Variants in CSMD1 observed in about 807,000 individuals in gnomAD.
The protein encoded by CSMD1 is CUB and Sushi multiple domains 1.
A neutral mutation model predicts 417.5 loss-of-function variants in CSMD1; 213 were observed. The ratio of observed to expected loss-of-function variants is 0.51; its 90% CI spans 0.46 to 0.57. The LOEUF (loss-of-function observed/expected upper bound fraction) is 0.57. CSMD1 is among the 20% of genes least tolerant of loss of function. The pLI is 0.00. For synonymous variants in CSMD1, 2,862 were observed against 1,736.8 expected (o/e 1.65, Z -16.11); for missense variants, 6,923 against 4,529.7 (o/e 1.53, Z -15.17).
At chr8:4,862,844 A>T (rs1802215524) in intron 1 of CSMD1, among the ~76,000 whole-genome samples, 2 of 151,912 alleles carry the variant, frequency 1.3e-5, no homozygotes, top group South Asian at 4.2e-4. Flanking sequence ...CCCAAGTGTG[A>T]CTCCAAGTCT....
chr8:4,112,083 A>C (rs913488255), intron 3 of CSMD1, among the ~76,000 whole-genome samples: 1 of 152,212 alleles, frequency 6.6e-6, no homozygotes, highest in East Asian at 1.9e-4. Flanking sequence ...GTCTTGAAAT[A>C]AAAGGAAACT....
Position 3,387,572 on chromosome 8 carries a change from C to A in CSMD1, c.2704G>T (p.Gly902Trp). The stretch of plus-strand genomic sequence containing the variant: ...GGCTCGTCGTCACTTAGTGTGTACC[C>A]CGGGTCACAGCTGAAAGTCACTGTG... ...RSTVTFSCDPGYTLSDDEPLV... is the reference protein window; with the variant it reads ...RSTVTFSCDPWYTLSDDEPLV... The change falls in exon 18 of 70, where the codon GGG becomes TGG. Residue 902 changes from glycine (G) to tryptophan (W), a missense_variant. Physicochemically the swap from Gly to Trp is radical, Grantham distance 184 (BLOSUM62 -2). Transcript: ENST00000635120. 1 of 1,601,256 alleles carries A rather than the reference C, an allele frequency of 6.2e-7. No homozygotes were observed. The highest frequency in any genetic ancestry group is 1.1e-5 in the South Asian group (1 of 88,448).
intron 1 of CSMD1, among the ~76,000 whole-genome samples, chr8:4,803,172 A>G (rs987964747): frequency 6.6e-6 from 1 of 152,160 alleles, no homozygotes; most frequent in Non-Finnish European, 1.5e-5. Flanking sequence ...CTATTTGTTA[A>G]TATTCTTTAA....
At chr8:4,095,685 G>A (rs1406305725) in intron 3 of CSMD1, among the ~76,000 whole-genome samples, 2 of 152,142 alleles carry the variant, frequency 1.3e-5, no homozygotes, top group Non-Finnish European at 2.9e-5. Flanking sequence ...AAATTAAAAG[G>A]TTATAGAAGC....
Position 3,316,547 on chromosome 8 carries a change from A to G in CSMD1, c.3632-8044T>C, listed in dbSNP as rs556417336. 2.0e-5 allele frequency among the ~76,000 whole-genome samples: 3 copies of G among 152,158 alleles called. No individual in the cohort carries two copies. In the East Asian group the frequency reaches 5.8e-4, roughly 29 times the overall value. ...AGTGAGCCTTGCGGGAGAGGGTTTGAGCAGGTCTAGGGGCCTCCTGGACGC... is the reference window on the plus strand; with the variant it reads ...AGTGAGCCTTGCGGGAGAGGGTTTGGGCAGGTCTAGGGGCCTCCTGGACGC... On this transcript the variant is annotated intron_variant, in intron 23 of 69. Transcript: ENST00000635120.
chr8:3,375,867 T>A (rs972949142), intron 18 of CSMD1, among the ~76,000 whole-genome samples: 2 of 152,166 alleles, frequency 1.3e-5, no homozygotes, highest in Non-Finnish European at 2.9e-5. Flanking sequence ...AGACCTCTTT[T>A]TTTCTCTTTG....
At chr8:4,212,543 C>T (rs1296631658) in intron 3 of CSMD1, among the ~76,000 whole-genome samples, 4 of 150,442 alleles carry the variant, frequency 2.7e-5, no homozygotes, top group Non-Finnish European at 5.9e-5. Flanking sequence ...AATTTGTAGC[C>T]TTTTTTTTTC....
rs576827211 is a variant in CSMD1, at chr8:3,680,852, G to C, written c.1009+27562C>G. 8.1e-3 allele frequency among the ~76,000 whole-genome samples: 1,237 copies of C among 152,268 alleles called. 14 individuals carry two copies. The highest frequency in any genetic ancestry group is 0.028 in the African/African-American group (1,169 of 41,540). ...AAGCTTATCCACCATGATCAAGTGG[G>C]CTTCATCCCTGGGATGCAAGGCTGG... On this transcript the variant is annotated intron_variant, in intron 7 of 69. Coordinates refer to ENST00000635120, the MANE Select transcript of CSMD1 (RefSeq NM_033225.6).
chr8:4,494,843 G>C (rs1165520871), intron 2 of CSMD1, among the ~76,000 whole-genome samples: 1 of 152,092 alleles, frequency 6.6e-6, no homozygotes, highest in African/African-American at 2.4e-5. Context: ...AATAGAGTCA[G>C]GGTAGGTAGC....
intron 4 of CSMD1, among the ~76,000 whole-genome samples, chr8:4,003,886 T>C (rs1435090448): frequency 6.6e-6 from 1 of 152,218 alleles, no homozygotes; most frequent in South Asian, 2.1e-4. Context: ...ATGTTTGTTT[T>C]TGTTCCTCTT....
At chr8:4,246,708 T>A (rs919020616) in intron 3 of CSMD1, among the ~76,000 whole-genome samples, 1 of 152,166 alleles carries the variant, frequency 6.6e-6, no homozygotes, top group African/African-American at 2.4e-5. Context: ...TCATTGTTTT[T>A]TAATTTATCA....
intron 3 of CSMD1, among the ~76,000 whole-genome samples, chr8:4,339,379 C>G (rs1200733776): frequency 6.6e-6 from 1 of 152,052 alleles, no homozygotes; most frequent in Non-Finnish European, 1.5e-5. Flanking sequence ...TATTTTTTAT[C>G]TTGTCATGCC....
chr8:4,006,232 G>C (rs11778052), intron 4 of CSMD1, among the ~76,000 whole-genome samples: 12,253 of 152,176 alleles, frequency 0.081, 574 homozygotes, highest in Middle Eastern at 0.13. Flanking sequence ...TATTGACTTT[G>C]TGCGCAGGAG....
chr8:4,741,319 G>C (rs192482646), intron 1 of CSMD1, among the ~76,000 whole-genome samples: 1 of 152,122 alleles, frequency 6.6e-6, no homozygotes, highest in Non-Finnish European at 1.5e-5. Context: ...TAAAAACAGG[G>C]AATTTTTCTC....
At chr8:4,501,915 G>T (rs566848827) in intron 2 of CSMD1, among the ~76,000 whole-genome samples, 1 of 152,092 alleles carries the variant, frequency 6.6e-6, no homozygotes, top group Non-Finnish European at 1.5e-5. Flanking sequence ...ATCTACTGGG[G>T]GTTTTGGAAC....
chr8:3,079,361 G>C (rs886122495), intron 49 of CSMD1, among the ~76,000 whole-genome samples: 3 of 152,104 alleles, frequency 2.0e-5, no homozygotes, highest in Admixed American at 1.3e-4. Context: ...ACATATCATA[G>C]CATGTGATTT....
At chr8:3,992,146 ATATAT>A (rs962227604) in intron 5 of CSMD1, among the ~76,000 whole-genome samples, 7 of 151,076 alleles carry the variant, frequency 4.6e-5, no homozygotes, top group South Asian at 2.1e-4. Flanking sequence ...GTGTATGTAC[ATATAT>A]TATATATATT....
chr8:4,100,736 A>C (rs1351175526), intron 3 of CSMD1, among the ~76,000 whole-genome samples: 1 of 152,200 alleles, frequency 6.6e-6, no homozygotes. Context: ...CTGCTGTTCT[A>C]GGGAGCTGCA....
intron 18 of CSMD1, chr8:3,373,253 G>C (rs1386985647): frequency 6.6e-6 from 1 of 152,134 alleles, no homozygotes; most frequent in Non-Finnish European, 1.5e-5. Context: ...AAAAATCTGG[G>C]AGGGAATGTG....
Sources: gnomAD v4.1 joint callset for allele counts (sites outside exome capture counted in the v4.1 genomes callset) on GRCh38, gnomAD v4.1.1 for gene constraint, MANE v1.5 for transcripts, NCBI Gene and HGNC (gene_info 2026-07-23, HGNC 2026-07-21) for gene names.